The following PTPRD variants were observed in gnomAD, a reference collection of about 807,000 sequenced individuals.
The protein encoded by PTPRD is receptor-type tyrosine-protein phosphatase delta.
In PTPRD, 34 loss-of-function variants were observed where a neutral mutation model predicts 214.5. That is an observed-to-expected ratio of 0.16 (90% CI 0.12 to 0.21). The LOEUF is 0.21. Among genes scored for constraint, PTPRD ranks in the 10% least tolerant of loss-of-function variants. The probability of loss-of-function intolerance (pLI) is 1.00; values close to 1 mark genes in which losing one functional copy is unlikely to be tolerated. For missense variants in PTPRD, 2,545 were observed against 2,398.7 expected, an observed-to-expected ratio of 1.06 and a Z score of -1.27; for synonymous variants, 1,128 against 845.7, an observed-to-expected ratio of 1.33 and a Z score of -5.79.
At chr9:10,244,468 T>C (rs2154364840) in intron 3 of PTPRD, among the ~76,000 whole-genome samples, 1 of 152,252 alleles carries the variant, frequency 6.6e-6, no homozygotes, top group South Asian at 2.1e-4. Context: ...ACCACATTTC[T>C]GTGGACACTG....
intron 11 of PTPRD, among the ~76,000 whole-genome samples, chr9:8,821,548 T>C (rs896372780): frequency 6.6e-6 from 1 of 152,096 alleles, no homozygotes; most frequent in Non-Finnish European, 1.5e-5. Context: ...CCCCTAAGAG[T>C]GGAGGCCAAT....
intron 3 of PTPRD, among the ~76,000 whole-genome samples, chr9:10,281,793 A>C (rs1451890951): frequency 6.6e-6 from 1 of 152,212 alleles, no homozygotes; most frequent in Non-Finnish European, 1.5e-5. Flanking sequence ...GAAGGTCAGG[A>C]CTACAATTTT....
At chr9:10,396,397 G>T (rs1357753070) in intron 2 of PTPRD, among the ~76,000 whole-genome samples, 1 of 151,850 alleles carries the variant, frequency 6.6e-6, no homozygotes, top group African/African-American at 2.4e-5. Flanking sequence ...AGGATCTATT[G>T]GCCTATTGGA....
At chr9:9,701,769 G>C (rs10511527) in intron 7 of PTPRD, among the ~76,000 whole-genome samples, 1 of 152,040 alleles carries the variant, frequency 6.6e-6, no homozygotes, top group Non-Finnish European at 1.5e-5. Flanking sequence ...GAGTCTACAC[G>C]AGAGTTTCAG....
intron 3 of PTPRD, among the ~76,000 whole-genome samples, chr9:10,326,795 G>A (rs763409379): frequency 3.3e-5 from 5 of 150,976 alleles, no homozygotes; most frequent in Non-Finnish European, 7.4e-5. Context: ...GCTCTCTACC[G>A]GTTTGTTTGT....
chr9:10,090,122 A>G (rs989743170), intron 3 of PTPRD, among the ~76,000 whole-genome samples: 1 of 151,696 alleles, frequency 6.6e-6, no homozygotes, highest in East Asian at 1.9e-4. Context: ...ATATCCATAT[A>G]GCATAGCAGG....
At chr9:8,746,577 C>A (rs1280828991) in intron 11 of PTPRD, among the ~76,000 whole-genome samples, 2 of 152,168 alleles carry the variant, frequency 1.3e-5, no homozygotes, top group African/African-American at 4.8e-5. Flanking sequence ...CATTAAAAGC[C>A]TGCTAGCAAA....
At chr9:9,500,265 C>T (rs1409029424) in intron 8 of PTPRD, among the ~76,000 whole-genome samples, 1 of 152,082 alleles carries the variant, frequency 6.6e-6, no homozygotes, top group Non-Finnish European at 1.5e-5. Context: ...GGCTTGGCCT[C>T]TCGATGTAAA....
At chr9:9,282,870 G>A (rs1021520348) in intron 9 of PTPRD, among the ~76,000 whole-genome samples, 1 of 151,416 alleles carries the variant, frequency 6.6e-6, no homozygotes, top group Admixed American at 6.6e-5. Flanking sequence ...TTTCTGTTAG[G>A]AGCACATTAT....
chr9:9,783,782 C>T (rs1336755543), intron 5 of PTPRD, among the ~76,000 whole-genome samples: 1 of 149,440 alleles, frequency 6.7e-6, no homozygotes, highest in East Asian at 2.0e-4. Context: ...TTATCCCAGG[C>T]TAAGGTAATT....
chr9:8,330,368 C>T (rs779449528), intron 44 of PTPRD, among the ~76,000 whole-genome samples: 98 of 151,908 alleles, frequency 6.5e-4, no homozygotes, highest in Non-Finnish European at 1.3e-3. Context: ...TGCTATTGCA[C>T]ACTAAATAGA....
At chr9:10,495,598 T>C (rs1269158390) in intron 2 of PTPRD, among the ~76,000 whole-genome samples, 1 of 151,858 alleles carries the variant, frequency 6.6e-6, no homozygotes, top group Non-Finnish European at 1.5e-5. Context: ...CTCATGTAAG[T>C]TTTGGCAGTT....
rs559352308 is a variant in PTPRD, at chr9:9,296,187, G to T, written c.-203+101262C>A. Reference sequence around the variant, plus strand: ...AAAAGGGCTATAAAATCTCTAGACTGCTGGTTCTGCACCATGAACTTGTAC... The same window carrying T: ...AAAAGGGCTATAAAATCTCTAGACTTCTGGTTCTGCACCATGAACTTGTAC... On this transcript the variant is annotated intron_variant, in intron 9 of 45. Coordinates refer to ENST00000381196, the MANE Select transcript of PTPRD (RefSeq NM_002839.4). Among the ~76,000 whole-genome samples the T allele has an allele frequency of 5.3e-5, 8 of 151,814 alleles. No individual in the cohort carries two copies. In the South Asian group the frequency reaches 1.7e-3, roughly 32 times the overall value.
intron 14 of PTPRD, among the ~76,000 whole-genome samples, chr9:8,603,051 G>T (rs935209726): frequency 6.6e-6 from 1 of 152,126 alleles, no homozygotes; most frequent in African/African-American, 2.4e-5. Context: ...CAATTTTTAG[G>T]TTTCAAACAG....
chr9:8,464,243 G>A (rs529021308), intron 32 of PTPRD, among the ~76,000 whole-genome samples: 42 of 151,824 alleles, frequency 2.8e-4, no homozygotes, highest in Non-Finnish European at 5.3e-4. Context: ...TGTTCCTAGA[G>A]CTATTAAAAG....
At chr9:8,326,002 T>A (rs1587576275) in intron 44 of PTPRD, among the ~76,000 whole-genome samples, 1 of 152,168 alleles carries the variant, frequency 6.6e-6, no homozygotes, top group Admixed American at 6.5e-5. Flanking sequence ...ATATACAATG[T>A]TGTCATGTGC....
intron 14 of PTPRD, among the ~76,000 whole-genome samples, chr9:8,611,719 GAA>G (rs2154290882): frequency 8.7e-6 from 1 of 114,292 alleles, no homozygotes; most frequent in Non-Finnish European, 1.9e-5. Flanking sequence ...AAGAAAAAAA[GAA>G]AAGACAAAAG....
At chr9:10,541,791 C>A (rs771301498) in intron 2 of PTPRD, among the ~76,000 whole-genome samples, 1 of 151,848 alleles carries the variant, frequency 6.6e-6, no homozygotes. Flanking sequence ...TAATATGTAG[C>A]CTATTGCATG....
chr9:10,560,072 GACT>G (rs1235640198), intron 2 of PTPRD, among the ~76,000 whole-genome samples: 1 of 152,108 alleles, frequency 6.6e-6, no homozygotes, highest in African/African-American at 2.4e-5. Context: ...ATACCCAAAG[GACT>G]ATAAATCATG....
Sources: allele counts gnomAD v4.1 joint callset (sites outside exome capture counted in the v4.1 genomes callset), GRCh38; gene constraint gnomAD v4.1.1; transcripts MANE v1.5; gene names NCBI Gene and HGNC (gene_info 2026-07-23, HGNC 2026-07-21).